The following PRTG variants were observed in gnomAD, a reference collection of about 807,000 sequenced individuals.
PRTG encodes the protein immunoglobulin superfamily, DCC subclass, member 5.
Under a neutral mutation model 122.5 loss-of-function variants are expected in PRTG, and 67 were observed. That is an observed-to-expected ratio of 0.55 (90% CI 0.45 to 0.67). PRTG has a LOEUF of 0.67. Ranked by LOEUF, PRTG falls within the 30% of genes least tolerant of loss-of-function variation. PRTG has a pLI of 0.00. For missense variants in PRTG, 1,435 were observed against 1,415.4 expected, an observed-to-expected ratio of 1.01 and a Z score of -0.22; for synonymous variants, 554 against 501.1, an observed-to-expected ratio of 1.11 and a Z score of -1.41.
chr15:55,640,748 G>A (rs1170247875), intron 12 of PRTG, among the ~76,000 whole-genome samples: 2 of 151,942 alleles, frequency 1.3e-5, no homozygotes, highest in African/African-American at 2.4e-5. Context: ...GGTGGCTCAC[G>A]TCTGTAATCC....
chr15:55,666,010 G>T (rs190275508), intron 11 of PRTG, among the ~76,000 whole-genome samples: 5 of 152,326 alleles, frequency 3.3e-5, no homozygotes. Flanking sequence ...TGCTGCAGTA[G>T]CAGAGTTGAA....
intron 7 of PRTG, 150 bp from the exon 8 acceptor site, chr15:55,678,194 G>A (rs2059514598): frequency 1.7e-6 from 1 of 580,090 alleles, no homozygotes; most frequent in Non-Finnish European, 3.0e-6. Context: ...CAACTATGTG[G>A]AATCCTGAAG....
chr15:55,742,753 G>GCCCCATCGTTTCCTCTTT, intron 1 of PRTG, 85 bp downstream of exon 1: 1 of 1,486,824 alleles, frequency 6.7e-7, no homozygotes, highest in South Asian at 1.2e-5. Context: ...CGCTCCCCAC[G>GCCCCATCGTTTCCTCTTT]CCCCATCGTT....
chr15:55,721,202 C>A (rs2030810806), intron 2 of PRTG, among the ~76,000 whole-genome samples: 1 of 152,168 alleles, frequency 6.6e-6, no homozygotes, highest in East Asian at 1.9e-4. Context: ...CATTCATCCC[C>A]TTGCCAGTGC....
intron 2 of PRTG, among the ~76,000 whole-genome samples, chr15:55,722,508 G>GAACC (rs2030863169): frequency 6.6e-6 from 1 of 152,146 alleles, no homozygotes; most frequent in African/African-American, 2.4e-5. Context: ...ACGTGTTCTA[G>GAACC]AACCAAAAGG....
At chr15:55,716,748 C>T (rs2141861983) in intron 2 of PRTG, among the ~76,000 whole-genome samples, 1 of 152,292 alleles carries the variant, frequency 6.6e-6, no homozygotes, top group East Asian at 1.9e-4. Context: ...GTTATCTTAA[C>T]ACCACTGCTG....
chr15:55,723,752 C>CT (rs769469226), intron 2 of PRTG, among the ~76,000 whole-genome samples: 66,662 of 126,946 alleles, frequency 0.53, 19,027 homozygotes, highest in Non-Finnish European at 0.64. Flanking sequence ...TTTCTTTTTT[C>CT]TTTTTTTTTT....
At position 55,613,757 on chromosome 15, in the gene PRTG, ACC is replaced by A. The variant is rs1431679877; in HGVS notation, c.*6253_*6254del. 1 of 122,342 alleles carries A rather than the reference ACC, an allele frequency of 8.2e-6. No homozygotes were observed. The highest frequency in any genetic ancestry group is 1.7e-5 in the Non-Finnish European group (1 of 57,552). 7.6% of individuals were successfully genotyped at this position (122,342 alleles called of 1,614,324 possible). A position where few individuals can be genotyped will look rare whatever the true frequency, so the allele number is the denominator to read the frequency against. On this transcript the variant is annotated 3_prime_UTR_variant, in exon 20 of 20. Coordinates refer to ENST00000389286, the MANE Select transcript of PRTG (RefSeq NM_173814.6). ...GCACTATGACCCTGGGTGATTAAATACCTTTTTTTTTTTTTTTTTTTTTTAAG... is the reference window on the plus strand; with the variant it reads ...GCACTATGACCCTGGGTGATTAAATATTTTTTTTTTTTTTTTTTTTTTAAG...
chr15:55,668,659 T>A (rs984677935), intron 11 of PRTG, among the ~76,000 whole-genome samples: 1 of 152,166 alleles, frequency 6.6e-6, no homozygotes, highest in Non-Finnish European at 1.5e-5. Context: ...GTCTAATGCT[T>A]TTTTCCAACC....
chr15:55,730,463 C>T (rs1240983718), intron 2 of PRTG, among the ~76,000 whole-genome samples: 2 of 151,692 alleles, frequency 1.3e-5, no homozygotes, highest in African/African-American at 2.4e-5. Flanking sequence ...AAAGATACAT[C>T]TCCACACAAC....
intron 2 of PRTG, among the ~76,000 whole-genome samples, chr15:55,720,668 C>T (rs1214844062): frequency 6.6e-6 from 1 of 152,196 alleles, no homozygotes; most frequent in Non-Finnish European, 1.5e-5. Context: ...GCTCCATCCA[C>T]CTCCACCTAA....
At position 55,617,723 on chromosome 15, in the gene PRTG, G is replaced by T. The variant is rs892502772; in HGVS notation, c.*2289C>A. On this transcript the variant is annotated 3_prime_UTR_variant, in exon 20 of 20. Coordinates refer to ENST00000389286, the MANE Select transcript of PRTG (RefSeq NM_173814.6). Reference sequence around the variant, plus strand: ...ATACTTTCCTCAAGGACTTTAGCTCGTCTTTTTAGCCATTTAAAACCACTC... The same window carrying T: ...ATACTTTCCTCAAGGACTTTAGCTCTTCTTTTTAGCCATTTAAAACCACTC... The T allele has an allele frequency of 6.6e-6, 1 of 152,068 alleles. No homozygotes were observed. Among genetic ancestry groups the T allele is most frequent in the Non-Finnish European group, 1.5e-5 (1 of 68,010 alleles). 9.4% of individuals were successfully genotyped at this position (152,068 alleles called of 1,614,324 possible). A position where few individuals can be genotyped will look rare whatever the true frequency, so the allele number is the denominator to read the frequency against.
In PRTG at chr15:55,683,843, A is replaced by C; in HGVS notation, c.486T>G (p.Pro162=). ...ARFACKISSH[P]PAVITWEFNR... is the part of the protein sequence containing the mutation. ...TGAACTCCCATGTTATGACTGCAGG[A>C]GGGTGGGATGAAATCTTGCATGCAA... Residue 162 remains proline (P), a synonymous_variant, in exon 3 of 20, where the codon CCT becomes CCG. Transcript: ENST00000389286. The C allele has an allele frequency of 6.2e-7, 1 of 1,613,958 alleles. No homozygotes were observed.
chr15:55,683,808 G>C lies in PRTG; in HGVS notation c.521C>G (p.Thr174Ser). ...CTACCTGTCCATAGTCATAGGTAGAGTTGTCCGATTGAACTCCCATGTTAT... is the reference window on the plus strand; with the variant it reads ...CTACCTGTCCATAGTCATAGGTAGACTTGTCCGATTGAACTCCCATGTTAT... ...AVITWEFNRT[T>S]LPMTMDRITA... The change falls in exon 3 of 20, where the codon ACT (threonine) becomes AGT (serine). Residue 174 changes from threonine (T) to serine (S), a missense_variant. Physicochemically the swap from Thr to Ser is moderately conservative, Grantham distance 58. Coordinates refer to ENST00000389286, the MANE Select transcript of PRTG (RefSeq NM_173814.6). The C allele has an allele frequency of 1.2e-6, 2 of 1,613,844 alleles. No homozygotes were observed. Among genetic ancestry groups the C allele is most frequent in the Non-Finnish European group, 1.7e-6 (2 of 1,179,856 alleles).
chr15:55,675,363 C>T (rs1254725759), intron 9 of PRTG, among the ~76,000 whole-genome samples, 156 bp downstream of exon 9: 4 of 152,062 alleles, frequency 2.6e-5, no homozygotes, highest in Admixed American at 1.3e-4. Context: ...CCTTATGTTA[C>T]TGGCAAAAAG....
At chr15:55,667,797 T>G (rs1225863857) in intron 11 of PRTG, among the ~76,000 whole-genome samples, 1 of 152,170 alleles carries the variant, frequency 6.6e-6, no homozygotes, top group Non-Finnish European at 1.5e-5. Flanking sequence ...CTGGACAGAA[T>G]GAATCAGGCT....
intron 4 of PRTG, 149 bp from the exon 5 acceptor site, chr15:55,680,777 T>A: frequency 2.2e-6 from 1 of 450,186 alleles, no homozygotes. Flanking sequence ...AATTCACCCA[T>A]CTGAAGTATA....
intron 11 of PRTG, among the ~76,000 whole-genome samples, chr15:55,659,658 G>A (rs1004944976): frequency 6.6e-6 from 1 of 152,158 alleles, no homozygotes; most frequent in Non-Finnish European, 1.5e-5. Flanking sequence ...GGGCGCAGTG[G>A]TTCACGCCTG....
intron 11 of PRTG, among the ~76,000 whole-genome samples, chr15:55,652,142 T>G (rs2059356322): frequency 6.6e-6 from 1 of 152,210 alleles, no homozygotes; most frequent in Non-Finnish European, 1.5e-5. Context: ...AAAGCTTTGC[T>G]ATAGTAGCAA....
Sources: gnomAD v4.1 joint callset for allele counts (sites outside exome capture counted in the v4.1 genomes callset) on GRCh38, gnomAD v4.1.1 for gene constraint, MANE v1.5 for transcripts, NCBI Gene and HGNC (gene_info 2026-07-23, HGNC 2026-07-21) for gene names.